The following PLSCR2 variants were observed in gnomAD, a reference collection of about 807,000 sequenced individuals.
PLSCR2 encodes the protein PL scramblase 2.
PLSCR2 carries 18 observed loss-of-function variants against 25.3 expected under a neutral mutation model. That is an observed-to-expected ratio of 0.71 (90% confidence interval 0.49 to 1.06). PLSCR2 has a LOEUF of 1.06. Ranked by LOEUF, PLSCR2 falls within the 50% of genes least tolerant of loss-of-function variation. The pLI is 0.00. For synonymous variants in PLSCR2, 88 were observed against 87.3 expected, an observed-to-expected ratio of 1.01 and a Z score of -0.04; for missense variants, 243 against 269.5, an observed-to-expected ratio of 0.90 and a Z score of 0.69.
chr3:146,475,258 T>G (rs1459855458), intron 1 of PLSCR2, among the ~76,000 whole-genome samples: 1 of 151,924 alleles, frequency 6.6e-6, no homozygotes, highest in Non-Finnish European at 1.5e-5. Context: ...TTTCACTGAT[T>G]CTTTCTCATC....
At chr3:146,488,181 A>C (rs1010591873) in intron 1 of PLSCR2, among the ~76,000 whole-genome samples, 6 of 152,196 alleles carry the variant, frequency 3.9e-5, no homozygotes, top group Non-Finnish European at 7.3e-5. Context: ...AAATTAACTC[A>C]AGATGGATTA....
At chr3:146,443,187 T>C (rs2040348821) in intron 6 of PLSCR2, among the ~76,000 whole-genome samples, 1 of 152,102 alleles carries the variant, frequency 6.6e-6, no homozygotes, top group Admixed American at 6.5e-5. Flanking sequence ...TTGTTAAGGA[T>C]TTTTGGATCA....
At chr3:146,419,772 T>C (rs547954642) in intron 2 of PLSCR2, among the ~76,000 whole-genome samples, 113 of 152,222 alleles carry the variant, frequency 7.4e-4, no homozygotes, top group Non-Finnish European at 1.3e-3. Context: ...TAGCGTCTCC[T>C]TCCCTCTTTT....
At chr3:146,494,673 C>A (rs540301963) in intron 1 of PLSCR2, 6 of 152,164 alleles carry the variant, frequency 3.9e-5, no homozygotes, top group African/African-American at 1.4e-4. Flanking sequence ...TTTTTAAACA[C>A]TCATGGTTTA....
intron 1 of PLSCR2, chr3:146,495,865 A>C (rs974307291): frequency 6.6e-7 from 1 of 1,514,666 alleles, no homozygotes; most frequent in Non-Finnish European, 8.9e-7. Context: ...GAAGCACGTT[A>C]GTCTCTGGAA....
chr3:146,466,380 A>G (rs2041870552), intron 1 of PLSCR2, among the ~76,000 whole-genome samples: 1 of 152,196 alleles, frequency 6.6e-6, no homozygotes, highest in Non-Finnish European at 1.5e-5. Context: ...CATGTTGGCC[A>G]GGCTGGTGTC....
At chr3:146,479,427 G>A (rs576145297) in intron 1 of PLSCR2, among the ~76,000 whole-genome samples, 9 of 152,132 alleles carry the variant, frequency 5.9e-5, no homozygotes, top group Admixed American at 2.6e-4. Flanking sequence ...GCAAAACAAA[G>A]CAGGGGTTGG....
intron 2 of PLSCR2, among the ~76,000 whole-genome samples, chr3:146,403,164 A>ACG (rs36032881): frequency 6.6e-6 from 1 of 151,846 alleles, no homozygotes; most frequent in African/African-American, 2.4e-5. Flanking sequence ...ACACACACAC[A>ACG]TGCACACTCC....
intron 1 of PLSCR2, among the ~76,000 whole-genome samples, chr3:146,485,228 T>C (rs1400647836): frequency 6.6e-6 from 1 of 151,998 alleles, no homozygotes; most frequent in Non-Finnish European, 1.5e-5. Context: ...GGTAAAGAGA[T>C]GAATTCAACA....
intron 1 of PLSCR2, among the ~76,000 whole-genome samples, chr3:146,479,688 G>A (rs957948350): frequency 2.0e-5 from 3 of 151,998 alleles, no homozygotes; most frequent in Non-Finnish European, 2.9e-5. Context: ...GAGACAGAAT[G>A]TTAGCAAGGA....
chr3:146,462,211 A>G (rs2041620544), upstream of PLSCR2, among the ~76,000 whole-genome samples: 1 of 151,806 alleles, frequency 6.6e-6, no homozygotes, highest in Non-Finnish European at 1.5e-5. Context: ...GGCCATTTAA[A>G]TCCTTTGGGC....
At chr3:146,483,346 G>A (rs2043198495) in intron 1 of PLSCR2, among the ~76,000 whole-genome samples, 1 of 148,450 alleles carries the variant, frequency 6.7e-6, no homozygotes, top group South Asian at 2.1e-4. Context: ...ACGAGTTGAT[G>A]GGTGCAGCAA....
chr3:146,429,637 T>C (rs573793256), downstream of PLSCR2, among the ~76,000 whole-genome samples: 6 of 148,294 alleles, frequency 4.0e-5, no homozygotes, highest in African/African-American at 1.6e-4. Flanking sequence ...TTATTTATTT[T>C]TTTTTTGAGA....
At chr3:146,404,589 A>G (rs1324453952) in intron 2 of PLSCR2, among the ~76,000 whole-genome samples, 1 of 152,212 alleles carries the variant, frequency 6.6e-6, no homozygotes, top group Non-Finnish European at 1.5e-5. Context: ...TCTCACATGC[A>G]AAATACATTC....
chr3:146,459,263 C>G (rs1323231429), intron 2 of PLSCR2, among the ~76,000 whole-genome samples: 1 of 151,920 alleles, frequency 6.6e-6, no homozygotes, highest in Non-Finnish European at 1.5e-5. Flanking sequence ...GAGTCAAATC[C>G]CACACAAAAA....
At chr3:146,442,053 T>G (rs182627998) in intron 6 of PLSCR2, among the ~76,000 whole-genome samples, 26 of 152,142 alleles carry the variant, frequency 1.7e-4, no homozygotes, top group African/African-American at 6.0e-4. Flanking sequence ...CTGCATTAAT[T>G]TAATTAATCC....
At chr3:146,483,336 A>T (rs1411220202) in intron 1 of PLSCR2, among the ~76,000 whole-genome samples, 5 of 149,320 alleles carry the variant, frequency 3.3e-5, no homozygotes, top group African/African-American at 1.2e-4. Flanking sequence ...AATGTAAATG[A>T]CGAGTTGATG....
At chr3:146,459,809 T>TG in intron 2 of PLSCR2, 39 bp downstream of exon 2, 1 of 1,314,764 alleles carries the variant, frequency 7.6e-7, no homozygotes, top group African/African-American at 2.0e-5. Context: ...GAAAGAGAGT[T>TG]TTTTTTTTTT....
At chr3:146,405,787 C>T (rs543044991) in intron 2 of PLSCR2, among the ~76,000 whole-genome samples, 56 of 152,308 alleles carry the variant, frequency 3.7e-4, no homozygotes, top group Non-Finnish European at 6.6e-4. Flanking sequence ...TCCAGTTGAA[C>T]ATGCTTTGAT....
Sources: allele counts gnomAD v4.1 joint callset (sites outside exome capture counted in the v4.1 genomes callset), GRCh38; gene constraint gnomAD v4.1.1; transcripts MANE v1.5; gene names NCBI Gene and HGNC (gene_info 2026-07-23, HGNC 2026-07-21).